Variants in GRIN2D observed in about 807,000 individuals in gnomAD.
The protein encoded by GRIN2D is glutamate receptor ionotropic, NMDA 2D.
GRIN2D carries 37 observed loss-of-function variants against 103.2 expected under a neutral mutation model. That is an observed-to-expected ratio of 0.36 (90% confidence interval 0.28 to 0.47). The LOEUF (loss-of-function observed/expected upper bound fraction) is 0.47. Ranked by LOEUF, GRIN2D falls within the 20% of genes least tolerant of loss-of-function variation. The probability of loss-of-function intolerance (pLI) is 1.00; values close to 1 mark genes in which losing one functional copy is unlikely to be tolerated. For missense variants in GRIN2D, 1,557 were observed against 1,910.6 expected (o/e 0.81, Z 3.45); for synonymous variants, 845 against 885.6 (o/e 0.95, Z 0.81).
rs1389673502 is a variant in GRIN2D, at chr19:48,442,174, T to A, written c.2465T>A (p.Leu822Gln). The change falls in exon 13 of 14, where the codon CTG (leucine) becomes CAG (glutamine). Residue 822 changes from leucine (L) to glutamine (Q), a missense_variant. Transcript: ENST00000263269. The surrounding 1 kb of genome is among the most constrained non-coding windows in gnomAD (Gnocchi z 7.2). ...GATGAGATCGAGATGCTGGAGCGGC[T>A]GTGGCTCTCTGGGATCTGCCACAAT... ...GDDEIEMLER[L>Q]WLSGICHNDK... is the part of the protein sequence containing the mutation. 2 of 1,614,176 alleles carry A rather than the reference T, an allele frequency of 1.2e-6. No homozygotes were observed. The highest frequency in any genetic ancestry group is 2.7e-5 in the African/African-American group (2 of 75,058).
chr19:48,414,656 A>C lies in GRIN2D; in HGVS notation c.1412+72A>C. The C allele has an allele frequency of 4.3e-6, 6 of 1,408,302 alleles. No homozygotes were observed. The highest frequency in any genetic ancestry group is 3.9e-6 in the Non-Finnish European group (4 of 1,024,314). 87.2% of individuals were successfully genotyped at this position (1,408,302 alleles called of 1,614,324 possible). On this transcript the variant is annotated intron_variant, in intron 6 of 13. Transcript: ENST00000263269. The surrounding 1 kb of genome is among the most constrained non-coding windows in gnomAD (Gnocchi z 4.6). ...GTGAAGCCCAGTAGTCTGGGCCCCC[A>C]GCCCCCTCCTCCCTTGGGACCCAGG...
intron 7 of GRIN2D, 61 bp from the exon 8 acceptor site, chr19:48,415,941 C>G: frequency 1.3e-6 from 2 of 1,484,494 alleles, no homozygotes; most frequent in South Asian, 2.3e-5. Context: ...GCTCGCCGTC[C>G]GTGTCAGTCT....
rs4009666 is a variant in GRIN2D at position 48,410,527 on chromosome 19, C to CAAAAAAA, written c.1086-3446_1086-3440dup. 1.8e-3 allele frequency among the ~76,000 whole-genome samples: 82 copies of CAAAAAAA among 45,366 alleles called. 3 individuals are homozygous for CAAAAAAA. Among genetic ancestry groups the CAAAAAAA allele is most frequent in the African/African-American group, 2.5e-3 (28 of 11,148 alleles). 29.8% of individuals were successfully genotyped at this position (45,366 alleles called of 152,430 possible). A position where few individuals can be genotyped will look rare whatever the true frequency, so the allele number is the denominator to read the frequency against. ...TGGGCAACAGAGTGAGACTCTGACT[C>CAAAAAAA]AAAAAAAAAAAAAAAAAAAAAAAAG... On this transcript the variant is annotated intron_variant, in intron 4 of 13. Coordinates refer to ENST00000263269, the MANE Select transcript of GRIN2D (RefSeq NM_000836.4).
rs538101382 is a variant in GRIN2D at position 48,394,698 on chromosome 19, C to T, written c.-265C>T. ...CACGTCCTCGCCTAGTCCAGGTGGC[C>T]GCAACCTTGGGGGAGAGACAGGGCA... On this transcript the variant is annotated 5_prime_UTR_variant, in exon 2 of 14. Transcript: ENST00000263269. The surrounding 1 kb of genome is among the most constrained non-coding windows in gnomAD (Gnocchi z 5.1). Among the ~76,000 whole-genome samples the T allele has an allele frequency of 2.6e-5, 4 of 152,230 alleles. No individual in the cohort carries two copies. The highest frequency in any genetic ancestry group is 4.4e-5 in the Non-Finnish European group (3 of 68,008).
intron 11 of GRIN2D, among the ~76,000 whole-genome samples, chr19:48,434,042 G>A (rs536678682): frequency 8.0e-5 from 12 of 150,782 alleles, no homozygotes; most frequent in African/African-American, 1.7e-4. Flanking sequence ...TCTGCCTCCC[G>A]GGTTCATACC....
At chr19:48,423,078 GCGGGCGC>G (rs1483294871) in intron 11 of GRIN2D, among the ~76,000 whole-genome samples, 3 of 152,138 alleles carry the variant, frequency 2.0e-5, no homozygotes, top group Non-Finnish European at 2.9e-5. Flanking sequence ...GGGCGTGGTG[GCGGGCGC>G]CTGTAATCTC....
chr19:48,428,209 G>A (rs981907420), intron 11 of GRIN2D, among the ~76,000 whole-genome samples: 1 of 151,526 alleles, frequency 6.6e-6, no homozygotes, highest in Non-Finnish European at 1.5e-5. Context: ...GCTAATTTTT[G>A]TATTTTTAGC....
At position 48,441,863 on chromosome 19, in the gene GRIN2D, G is replaced by T; in HGVS notation, c.2347G>T (p.Val783Phe). 6.2e-7 allele frequency: 1 copy of T among 1,613,912 alleles called. No homozygotes were observed. The highest frequency in any genetic ancestry group is 8.5e-7 in the Non-Finnish European group (1 of 1,180,038). The change falls in exon 12 of 14, where the codon GTC becomes TTC. Residue 783 changes from valine (V) to phenylalanine (F), a missense_variant. By Grantham distance (50) the Val-to-Phe change is conservative (BLOSUM62 -1). Coordinates refer to ENST00000263269, the MANE Select transcript of GRIN2D (RefSeq NM_000836.4). ...GCTTGTCACCATCGGCTCCGGCAAG[G>T]TCTTCGCCACGACAGGCTATGGCAT... ...CKLVTIGSGK[V>F]FATTGYGIAL... is the part of the protein sequence containing the mutation.
intron 4 of GRIN2D, among the ~76,000 whole-genome samples, chr19:48,409,570 C>A (rs1045827788): frequency 6.6e-6 from 1 of 152,012 alleles, no homozygotes; most frequent in Non-Finnish European, 1.5e-5. Context: ...AGCCACTGCA[C>A]CTGGCCGTAA....
intron 3 of GRIN2D, among the ~76,000 whole-genome samples, chr19:48,403,505 G>A (rs898320769): frequency 6.6e-6 from 1 of 152,110 alleles, no homozygotes; most frequent in Non-Finnish European, 1.5e-5. Flanking sequence ...ATAGTTATGA[G>A]TGGCTAACAG....
intron 3 of GRIN2D, among the ~76,000 whole-genome samples, chr19:48,400,705 T>G (rs1970701309): frequency 6.6e-6 from 1 of 152,156 alleles, no homozygotes; most frequent in South Asian, 2.1e-4. Context: ...CACTGAATGC[T>G]GGGAATGTGG....
Position 48,443,932 on chromosome 19 carries a change from G to T in GRIN2D, c.4006G>T (p.Val1336Leu). Residue 1336 changes from valine (V) to leucine (L), a missense_variant, in exon 14 of 14, where the codon GTA becomes TTA. Around this residue, in one of 7 missense-constraint regions of GRIN2D, gnomAD observed 88 missense variants for 84.3 expected, o/e 1.04. Coordinates refer to ENST00000263269, the MANE Select transcript of GRIN2D (RefSeq NM_000836.4). The surrounding 1 kb of genome is among the most constrained non-coding windows in gnomAD (Gnocchi z 8.9). ...SAHFSSLESEV is the reference protein window; with the variant it reads ...SAHFSSLESEL ...GCACTTCTCTAGCCTCGAGTCCGAG[G>T]TATGACGCGGCCCCGGGGGCCCCAC... 1 of 1,415,164 alleles carries T rather than the reference G, an allele frequency of 7.1e-7. No homozygotes were observed. Among genetic ancestry groups the T allele is most frequent in the Non-Finnish European group, 9.2e-7 (1 of 1,084,816 alleles). 87.7% of individuals were successfully genotyped at this position (1,415,164 alleles called of 1,614,324 possible). A position where few individuals can be genotyped will look rare whatever the true frequency, so the allele number is the denominator to read the frequency against.
chr19:48,395,912 TG>T (rs1001594456), intron 2 of GRIN2D, among the ~76,000 whole-genome samples: 2 of 151,626 alleles, frequency 1.3e-5, no homozygotes, highest in African/African-American at 4.8e-5. Context: ...TCCAGAGTCT[TG>T]GGGCAGGAGG....
intron 11 of GRIN2D, among the ~76,000 whole-genome samples, chr19:48,438,287 C>CTTTTTTTTTTTTTTGTT (rs1971253967): frequency 1.7e-5 from 1 of 57,726 alleles, no homozygotes; most frequent in African/African-American, 7.6e-5. Context: ...ATCCAGCCGC[C>CTTTTTTTTTTTTTTGTT]TTTTTTTTTT....
chr19:48,396,695 G>A (rs753662308), intron 2 of GRIN2D, among the ~76,000 whole-genome samples: 23 of 151,944 alleles, frequency 1.5e-4, no homozygotes, highest in Non-Finnish European at 1.5e-4. Flanking sequence ...ACAGGGGCCC[G>A]AGATCTCTGG....
At position 48,441,880 on chromosome 19, in the gene GRIN2D, C is replaced by G; in HGVS notation, c.2364C>G (p.Gly788=). ...CCGGCAAGGTCTTCGCCACGACAGG[C>G]TATGGCATCGCCCTGCACAAGGGCT... ...IGSGKVFATT[G]YGIALHKGSR... The change falls in exon 12 of 14, where the codon GGC becomes GGG. Residue 788 remains glycine (G), a synonymous_variant. Transcript: ENST00000263269. 6.2e-7 allele frequency: 1 copy of G among 1,613,564 alleles called. No individual in the cohort carries two copies.
Position 48,398,542 on chromosome 19 carries a change from G to A in GRIN2D, c.150G>A (p.Pro50=), listed in dbSNP as rs1193669612. 5.3e-6 allele frequency: 6 copies of A among 1,126,544 alleles called. No homozygotes were observed. In the East Asian group the frequency reaches 2.7e-4, roughly 50 times the overall value. The allele number at this position is 1,126,544 out of a possible 1,614,324, so 69.8% of individuals were successfully genotyped here. Reference sequence around the variant, plus strand: ...GCGGCGGCCTCGGCGGGGCGCGGCCGCTCAACGTGGCGCTCGTGTTCTCGG... The same window carrying A: ...GCGGCGGCCTCGGCGGGGCGCGGCCACTCAACGTGGCGCTCGTGTTCTCGG... ...GPGGGLGGAR[P]LNVALVFSGP... The change falls in exon 3 of 14, where the codon CCG becomes CCA. Residue 50 remains proline (P), a synonymous_variant. Coordinates refer to ENST00000263269, the MANE Select transcript of GRIN2D (RefSeq NM_000836.4).
chr19:48,399,919 TA>T, intron 3 of GRIN2D, among the ~76,000 whole-genome samples: 1 of 149,794 alleles, frequency 6.7e-6, no homozygotes, highest in Non-Finnish European at 1.5e-5. Context: ...AGCACTCTAA[TA>T]AAGGGGTGGG....
intron 11 of GRIN2D, among the ~76,000 whole-genome samples, chr19:48,441,261 G>T (rs980562152): frequency 1.3e-5 from 2 of 151,376 alleles, no homozygotes; most frequent in African/African-American, 4.9e-5. Flanking sequence ...TACTTGGGAG[G>T]CTGAGGCAGG....
Sources: gnomAD v4.1 joint callset for allele counts (sites outside exome capture counted in the v4.1 genomes callset) on GRCh38, gnomAD v4.1.1 for gene constraint, gnomAD v4.1.1 regional missense constraint, Gnocchi (gnomAD v3.1) non-coding constraint, MANE v1.5 for transcripts, NCBI Gene and HGNC (gene_info 2026-07-23, HGNC 2026-07-21) for gene names.